Variants in LMNA observed in about 807,000 individuals in gnomAD.
LMNA encodes the protein lamin A/C, also known as lamin.
LMNA carries 20 observed loss-of-function variants against 70.4 expected under a neutral mutation model. The ratio of observed to expected loss-of-function variants is 0.28; its 90% confidence interval spans 0.20 to 0.41. LMNA has a LOEUF of 0.41. Among genes scored for constraint, LMNA ranks in the 10% least tolerant of loss-of-function variants. The probability of loss-of-function intolerance (pLI) is 1.00; values close to 1 mark genes in which losing one functional copy is unlikely to be tolerated. For synonymous variants in LMNA, 339 were observed against 372.8 expected (o/e 0.91, Z 1.04); for missense variants, 652 against 917.2 (o/e 0.71, Z 3.73).
chr1:156,121,750 G>A (rs1650205037), intron 1 of LMNA, among the ~76,000 whole-genome samples: 1 of 151,498 alleles, frequency 6.6e-6, no homozygotes, highest in African/African-American at 2.4e-5. Flanking sequence ...CCAGACACAA[G>A]GGCAGGGTTC....
chr1:156,119,742 C>T (rs1002672312), intron 1 of LMNA, among the ~76,000 whole-genome samples: 2 of 151,982 alleles, frequency 1.3e-5, no homozygotes, highest in African/African-American at 2.4e-5. Context: ...CCCTCCCTCC[C>T]ACCCTGGTGG....
rs1048086299 is a variant in LMNA, at chr1:156,126,869, C to T, written c.357-3748C>T. Reference sequence around the variant, plus strand: ...GGAAAGGACTGGCACTCTGCTGGCACAGCACCCGGCCTGGGGCAGGACACG... The same window carrying T: ...GGAAAGGACTGGCACTCTGCTGGCATAGCACCCGGCCTGGGGCAGGACACG... On this transcript the variant is annotated intron_variant, in intron 1 of 11. Coordinates refer to ENST00000368300, the MANE Select transcript of LMNA (RefSeq NM_170707.4). The T allele has an allele frequency of 3.7e-6, 6 of 1,611,714 alleles. No individual in the cohort carries two copies. In the African/African-American group the frequency reaches 5.3e-5, roughly 14 times the overall value.
chr1:156,104,134 T>C (rs1298523444), intron 3 of LMNA, among the ~76,000 whole-genome samples: 2 of 152,258 alleles, frequency 1.3e-5, no homozygotes, highest in Non-Finnish European at 2.9e-5. Flanking sequence ...AGCCCAGCTC[T>C]CTGGCATATT....
Position 156,115,651 on chromosome 1 carries a change from C to T in LMNA, c.356+377C>T, listed in dbSNP as rs554823245. 3.5e-4 allele frequency among the ~76,000 whole-genome samples: 54 copies of T among 152,326 alleles called. 2 individuals are homozygous for T. The South Asian group carries it at 0.011, about 30-fold the overall frequency. On this transcript the variant is annotated intron_variant, in intron 1 of 11. Transcript: ENST00000368300. The surrounding 1 kb of genome is among the most constrained non-coding windows in gnomAD (Gnocchi z 5.8). ...TGCCAGCTCGAAGAACTCTGGGCAC[C>T]CAGGACACATCGGAGTGGCAGAAAG... is the stretch of plus-strand genomic sequence containing the variant.
At chr1:156,133,705 C>G (rs1479200133) in intron 2 of LMNA, among the ~76,000 whole-genome samples, 1 of 152,150 alleles carries the variant, frequency 6.6e-6, no homozygotes, top group African/African-American at 2.4e-5. Context: ...AGCCACCTCT[C>G]CCATCCCTTC....
At chr1:156,121,342 C>T (rs1287557680) in intron 1 of LMNA, among the ~76,000 whole-genome samples, 1 of 152,058 alleles carries the variant, frequency 6.6e-6, no homozygotes, top group Non-Finnish European at 1.5e-5. Context: ...TAGCCCAAAT[C>T]CACGTTCTGA....
At chr1:156,116,475 C>T (rs1316965964) in intron 1 of LMNA, among the ~76,000 whole-genome samples, 1 of 152,096 alleles carries the variant, frequency 6.6e-6, no homozygotes, top group Non-Finnish European at 1.5e-5. Flanking sequence ...CTATGCAGAC[C>T]CAGGCCAAGA....
At chr1:156,123,325 CT>C (rs1650328402) in intron 1 of LMNA, 1 of 152,192 alleles carries the variant, frequency 6.6e-6, no homozygotes, top group Non-Finnish European at 1.5e-5. Flanking sequence ...ACACTGCCAC[CT>C]TCTGCTGGCT....
Position 156,103,941 on chromosome 1 carries a change from G to A in LMNA, c.-206-10772G>A, listed in dbSNP as rs1483936048. Among the ~76,000 whole-genome samples the A allele has an allele frequency of 6.6e-6, 1 of 152,136 alleles. No individual in the cohort carries two copies. The highest frequency in any genetic ancestry group is 1.5e-5 in the Non-Finnish European group (1 of 68,028). On this transcript the variant is annotated intron_variant, in intron 3 of 12. Coordinates refer to the LMNA transcript ENST00000368301. The surrounding 1 kb of genome is among the most constrained non-coding windows in gnomAD (Gnocchi z 4.7). ...CTTTCCTTCCCCGAACCCGGCCTCA[G>A]TTCCTGGGACATCCTGGCTCCATTC...
Position 156,140,001 on chromosome 1 carries a change from A to C in LMNA, c.*895A>C. ...GGAGGGGTGTGGCAGTGGTTTTGGC[A>C]AACGCTAAAGAGCCCTTGCCTCCCC... On this transcript the variant is annotated 3_prime_UTR_variant, in exon 12 of 12. Transcript: ENST00000368300. The C allele has an allele frequency of 1.6e-6, 1 of 613,374 alleles. No homozygotes were observed. The highest frequency in any genetic ancestry group is 2.1e-5 in the South Asian group (1 of 47,570). 38.0% of individuals were successfully genotyped at this position (613,374 alleles called of 1,614,324 possible).
At position 156,137,797 on chromosome 1, in the gene LMNA, C is replaced by T. The variant is rs759792792; in HGVS notation, c.1698+54C>T. On this transcript the variant is annotated intron_variant, in intron 10 of 11. Coordinates refer to ENST00000368300, the MANE Select transcript of LMNA (RefSeq NM_170707.4). The surrounding 1 kb of genome is among the most constrained non-coding windows in gnomAD (Gnocchi z 4.6). ...CCTGCACTGGGGCCACCCAGCCAGG[C>T]CTGGGGGCAGCCTCTCCCCAGCCTC... The T allele has an allele frequency of 2.6e-6, 4 of 1,547,294 alleles. No individual in the cohort carries two copies. The South Asian group carries it at 3.6e-5, about 14-fold the overall frequency.
intron 3 of LMNA, among the ~76,000 whole-genome samples, chr1:156,094,628 C>T (rs571205204): frequency 2.0e-5 from 3 of 152,280 alleles, no homozygotes; most frequent in East Asian, 1.9e-4. Context: ...GGATTACAGG[C>T]GTGAGCCACC....
At chr1:156,094,154 A>G (rs1648816191) in intron 3 of LMNA, among the ~76,000 whole-genome samples, 1 of 152,130 alleles carries the variant, frequency 6.6e-6, no homozygotes, top group Non-Finnish European at 1.5e-5. Context: ...AAGCATGCAT[A>G]CACCTCCTCT....
At position 156,138,513 on chromosome 1, in the gene LMNA, A is replaced by T; in HGVS notation, c.1724A>T (p.Asp575Val). The part of the protein sequence containing the change: ...HHGSHCSSSG[D>V]PAEYNLRSRT... ...GGCTCCCACTGCAGCAGCTCGGGGG[A>T]CCCCGCTGAGTACAACCTGCGCTCG... Residue 575 changes from aspartate (D) to valine (V), a missense_variant, in exon 11 of 12, where the codon GAC becomes GTC. This residue lies in a region of LMNA where 327 missense variants were observed against 387.6 expected (regional missense o/e 0.84). Coordinates refer to ENST00000368300, the MANE Select transcript of LMNA (RefSeq NM_170707.4). The surrounding 1 kb of genome is among the most constrained non-coding windows in gnomAD (Gnocchi z 5.5). The T allele has an allele frequency of 6.2e-7, 1 of 1,612,260 alleles. No individual in the cohort carries two copies. Among genetic ancestry groups the T allele is most frequent in the Non-Finnish European group, 8.5e-7 (1 of 1,179,762 alleles).
intron 1 of LMNA, among the ~76,000 whole-genome samples, chr1:156,120,289 G>A (rs1650097780): frequency 6.6e-6 from 1 of 152,224 alleles, no homozygotes. Context: ...ATGACTTCCA[G>A]CTGGGTGTGC....
intron 1 of LMNA, chr1:156,126,583 C>T: frequency 1.2e-6 from 1 of 835,436 alleles, no homozygotes; most frequent in South Asian, 1.4e-5. Flanking sequence ...GGGCCTGCTG[C>T]AGCTGGGGAG....
intron 3 of LMNA, among the ~76,000 whole-genome samples, chr1:156,094,201 T>C (rs1160334881): frequency 6.6e-6 from 1 of 152,122 alleles, no homozygotes; most frequent in African/African-American, 2.4e-5. Flanking sequence ...TCACGAGAAG[T>C]ATACATGGGT....
In LMNA at chr1:156,135,589, A is replaced by G; in HGVS notation, c.936+277A>G. 1 of 592,758 alleles carries G rather than the reference A, an allele frequency of 1.7e-6. No individual in the cohort carries two copies. Among genetic ancestry groups the G allele is most frequent in the South Asian group, 2.0e-5 (1 of 50,562 alleles). 36.7% of individuals were successfully genotyped at this position (592,758 alleles called of 1,614,324 possible). A position where few individuals can be genotyped will look rare whatever the true frequency, so the allele number is the denominator to read the frequency against. On this transcript the variant is annotated intron_variant, in intron 5 of 11. Coordinates refer to ENST00000368300, the MANE Select transcript of LMNA (RefSeq NM_170707.4). This position sits in a 1 kb window ranked among gnomAD's most constrained non-coding sequence, Gnocchi z 4.8. ...TTAATCTCCCTAACTCAGAGTTGCC[A>G]CAGGACTCTGCAATGTGAGGTGTTA... is the stretch of plus-strand genomic sequence containing the variant.
chr1:156,094,091 T>C (rs1648814266), intron 3 of LMNA, among the ~76,000 whole-genome samples: 1 of 152,186 alleles, frequency 6.6e-6, no homozygotes, highest in Admixed American at 6.5e-5. Context: ...AGGAACTCCA[T>C]AGTGTTGCTA....
Sources: gnomAD v4.1 joint callset for allele counts (sites outside exome capture counted in the v4.1 genomes callset) on GRCh38, gnomAD v4.1.1 for gene constraint, gnomAD v4.1.1 regional missense constraint, Gnocchi (gnomAD v3.1) non-coding constraint, MANE v1.5 for transcripts, NCBI Gene and HGNC (gene_info 2026-07-23, HGNC 2026-07-21) for gene names.